CENPP: variants seen among roughly 807,000 people sequenced by gnomAD.
CENPP encodes the protein centromere protein P.
In CENPP, 24 loss-of-function variants were observed where a neutral mutation model predicts 35.6. That is an observed-to-expected ratio of 0.67 (90% CI 0.49 to 0.95). The LOEUF is 0.95. CENPP is among the 40% of genes least tolerant of loss of function. The pLI is 0.00. For synonymous variants in CENPP, 120 were observed against 125.5 expected (o/e 0.96, Z 0.29); for missense variants, 332 against 345.3 (o/e 0.96, Z 0.31).
chr9:92,414,640 G>T lies in CENPP; in HGVS notation c.564+34781G>T, dbSNP rs2130953925. The T allele has an allele frequency of 1.4e-5, 3 of 208,592 alleles. No individual in the cohort carries two copies. The East Asian group carries it at 2.2e-4, about 15-fold the overall frequency. The allele number at this position is 208,592 out of a possible 1,614,324, so 12.9% of individuals were successfully genotyped here. A position where few individuals can be genotyped will look rare whatever the true frequency, so the allele number is the denominator to read the frequency against. ...GAGCTAGGGGGATGGATGTCATAATGGTGAGATCACAAATACCAGTGTGAA... is the reference window on the plus strand; with the variant it reads ...GAGCTAGGGGGATGGATGTCATAATTGTGAGATCACAAATACCAGTGTGAA... On this transcript the variant is annotated intron_variant, in intron 5 of 7. Coordinates refer to ENST00000375587, the MANE Select transcript of CENPP (RefSeq NM_001012267.3).
At chr9:92,542,641 C>G (rs929961135) in intron 5 of CENPP, among the ~76,000 whole-genome samples, 31 of 152,078 alleles carry the variant, frequency 2.0e-4, no homozygotes, top group Non-Finnish European at 2.2e-4. Flanking sequence ...CTCAGCCTCC[C>G]CAGTAGCTGG....
chr9:92,435,093 T>C (rs548838749), intron 5 of CENPP, among the ~76,000 whole-genome samples: 3 of 152,252 alleles, frequency 2.0e-5, no homozygotes, highest in African/African-American at 7.2e-5. Context: ...TGTACAACCT[T>C]AGATGTGTTT....
At chr9:92,529,851 C>T (rs1014626576) in intron 5 of CENPP, among the ~76,000 whole-genome samples, 2 of 152,166 alleles carry the variant, frequency 1.3e-5, no homozygotes, top group African/African-American at 4.8e-5. Flanking sequence ...TGAAACTCTT[C>T]TGATACAGTA....
intron 5 of CENPP, among the ~76,000 whole-genome samples, chr9:92,474,108 G>T (rs1054049575): frequency 2.6e-5 from 4 of 152,184 alleles, no homozygotes; most frequent in Non-Finnish European, 5.9e-5. Flanking sequence ...ACTCAGCAAA[G>T]AATTATAAAT....
chr9:92,587,485 G>C (rs1244879387), intron 5 of CENPP, among the ~76,000 whole-genome samples: 1 of 151,626 alleles, frequency 6.6e-6, no homozygotes, highest in Non-Finnish European at 1.5e-5. Flanking sequence ...AAAAGGGGGG[G>C]GACCAATCAA....
At chr9:92,334,220 A>C (rs1840848498) in intron 2 of CENPP, among the ~76,000 whole-genome samples, 1 of 150,694 alleles carries the variant, frequency 6.6e-6, no homozygotes, top group Admixed American at 6.6e-5. Context: ...TCCTGGGTTC[A>C]AGCAATTCTC....
intron 5 of CENPP, among the ~76,000 whole-genome samples, chr9:92,506,905 A>AATTTT (rs1193444885): frequency 2.0e-5 from 3 of 151,942 alleles, no homozygotes; most frequent in Non-Finnish European, 4.4e-5. Flanking sequence ...ACATTTTTTA[A>AATTTT]ATTTTATTTT....
intron 5 of CENPP, among the ~76,000 whole-genome samples, chr9:92,440,731 G>A (rs561254401): frequency 2.7e-4 from 41 of 152,272 alleles, no homozygotes; most frequent in African/African-American, 8.9e-4. Context: ...GAGGGAAAAG[G>A]CATTAAATCT....
At chr9:92,529,704 GCCAA>G (rs1434924018) in intron 5 of CENPP, among the ~76,000 whole-genome samples, 1 of 152,092 alleles carries the variant, frequency 6.6e-6, no homozygotes, top group Non-Finnish European at 1.5e-5. Context: ...AATGAAATAA[GCCAA>G]CCTGAGATGG....
At position 92,579,894 on chromosome 9, in the gene CENPP, G is replaced by A. The variant is rs376691352; in HGVS notation, c.565-31420G>A. Reference sequence around the variant, plus strand: ...TGTCTTGTGCCAGTTTTCAAAGGGAGTGCTTCCAGTTTTTGCCCATTCAGT... The same window carrying A: ...TGTCTTGTGCCAGTTTTCAAAGGGAATGCTTCCAGTTTTTGCCCATTCAGT... On this transcript the variant is annotated intron_variant, in intron 5 of 7. Transcript: ENST00000375587. 1.6e-4 allele frequency among the ~76,000 whole-genome samples: 23 copies of A among 147,746 alleles called. No homozygotes were observed. In the South Asian group the frequency reaches 1.9e-3, roughly 12 times the overall value.
chr9:92,577,806 A>AT (rs568223105), intron 5 of CENPP, among the ~76,000 whole-genome samples: 13 of 150,324 alleles, frequency 8.6e-5, no homozygotes, highest in Admixed American at 4.0e-4. Context: ...TTATTTATTT[A>AT]TTATTATTAT....
intron 5 of CENPP, among the ~76,000 whole-genome samples, chr9:92,473,665 AT>A (rs1251096437): frequency 6.6e-6 from 1 of 151,768 alleles, no homozygotes; most frequent in East Asian, 1.9e-4. Flanking sequence ...CTTAAGACCC[AT>A]TTTTTTTCCT....
chr9:92,600,189 T>C (rs1472914548), intron 5 of CENPP: 2 of 929,590 alleles, frequency 2.2e-6, no homozygotes, highest in Admixed American at 3.2e-5. Flanking sequence ...GGAGTTCTTT[T>C]CAACCATGTT....
intron 5 of CENPP, among the ~76,000 whole-genome samples, chr9:92,554,916 A>G (rs1419713116): frequency 6.6e-6 from 1 of 151,576 alleles, no homozygotes; most frequent in Non-Finnish European, 1.5e-5. Context: ...GATTACAGGC[A>G]TGAGCCACTG....
intron 5 of CENPP, chr9:92,511,912 A>G (rs138817162): frequency 1.1e-5 from 9 of 830,862 alleles, no homozygotes; most frequent in Middle Eastern, 3.0e-4. Context: ...AAGACTACCA[A>G]TTAGAAGCAT....
chr9:92,419,679 C>T (rs1157617112), intron 5 of CENPP, among the ~76,000 whole-genome samples: 1 of 152,106 alleles, frequency 6.6e-6, no homozygotes, highest in Non-Finnish European at 1.5e-5. Flanking sequence ...GTACTTTGCA[C>T]GTTGAAAACT....
At chr9:92,341,648 C>G (rs1016589231) in intron 3 of CENPP, 1 of 152,248 alleles carries the variant, frequency 6.6e-6, no homozygotes, top group Non-Finnish European at 1.5e-5. Context: ...AGAGTCATTC[C>G]TAGCATGAAC....
At chr9:92,434,498 A>T (rs117548293) in intron 5 of CENPP, among the ~76,000 whole-genome samples, 104 of 152,314 alleles carry the variant, frequency 6.8e-4, no homozygotes, top group Admixed American at 2.2e-3. Context: ...ATTGAGGAAG[A>T]TCTAAATAAA....
chr9:92,384,266 G>C (rs1189596816), intron 5 of CENPP: 2 of 152,032 alleles, frequency 1.3e-5, no homozygotes, highest in Admixed American at 6.6e-5. Flanking sequence ...TTGACAAATG[G>C]GGAGATAACT....
Sources: gnomAD v4.1 joint callset for allele counts (sites outside exome capture counted in the v4.1 genomes callset) on GRCh38, gnomAD v4.1.1 for gene constraint, MANE v1.5 for transcripts, NCBI Gene and HGNC (gene_info 2026-07-23, HGNC 2026-07-21) for gene names.